Variants in PTGES3L observed in about 807,000 individuals in gnomAD.
PTGES3L encodes the protein prostaglandin E synthase 3 like.
A neutral mutation model predicts 25.0 loss-of-function variants in PTGES3L; 17 were observed. The ratio of observed to expected loss-of-function variants is 0.68; its 90% CI spans 0.47 to 1.02. The LOEUF (loss-of-function observed/expected upper bound fraction) is 1.02, where lower values mean the gene tolerates loss of function less well. PTGES3L is among the 50% of genes least tolerant of loss of function. The probability of loss-of-function intolerance (pLI) is 0.00; values close to 1 mark genes in which losing one functional copy is unlikely to be tolerated. For synonymous variants in PTGES3L, 59 were observed against 65.7 expected (o/e 0.90, Z 0.50); for missense variants, 202 against 197.5 (o/e 1.02, Z -0.14).
chr17:42,976,943 A>C (rs955733899), intron 4 of PTGES3L, among the ~76,000 whole-genome samples: 4 of 152,216 alleles, frequency 2.6e-5, no homozygotes, highest in Non-Finnish European at 5.9e-5. Context: ...TAGTGAATTC[A>C]TTAATATTTA....
chr17:42,971,831 CT>C, intron 4 of PTGES3L, 135 bp from the exon 5 acceptor site: 1 of 717,608 alleles, frequency 1.4e-6, no homozygotes, highest in Non-Finnish European at 2.3e-6. Context: ...AACTGCACTC[CT>C]TTGACCAGGA....
At chr17:42,979,327 C>T (rs2050028301) in intron 3 of PTGES3L, 51 bp downstream of exon 3, 2 of 1,614,144 alleles carry the variant, frequency 1.2e-6, no homozygotes, top group Non-Finnish European at 1.7e-6. Flanking sequence ...CTCCAGTTTC[C>T]CTGGGCAGCC....
At chr17:42,973,385 CT>C (rs2049893689) in intron 4 of PTGES3L, among the ~76,000 whole-genome samples, 1 of 141,722 alleles carries the variant, frequency 7.1e-6, no homozygotes. Flanking sequence ...GGTCAGCCCC[CT>C]GCCCGGCCAG....
At chr17:42,972,822 A>C in intron 4 of PTGES3L, among the ~76,000 whole-genome samples, 2 of 130,740 alleles carry the variant, frequency 1.5e-5, no homozygotes, top group African/African-American at 2.9e-5. Flanking sequence ...CTGGCTGCCC[A>C]GTCTGGAAAG....
Position 42,979,157 on chromosome 17 carries a change from T to G in PTGES3L, c.288+13A>C, listed in dbSNP as rs776543500. On this transcript the variant is annotated intron_variant, in intron 4 of 6. Coordinates refer to ENST00000591916, the MANE Select transcript of PTGES3L (RefSeq NM_001261430.2). The stretch of plus-strand genomic sequence containing the variant: ...CATGGAGAGAAGAAGCAGGCCACTT[T>G]CCACACACCCACCTTGATATCCTCC... The G allele has an allele frequency of 3.1e-6, 5 of 1,614,134 alleles. No homozygotes were observed. Among genetic ancestry groups the G allele is most frequent in the Non-Finnish European group, 4.2e-6 (5 of 1,180,004 alleles).
intron 4 of PTGES3L, among the ~76,000 whole-genome samples, chr17:42,973,760 C>T (rs1329435519): frequency 6.7e-6 from 1 of 149,540 alleles, no homozygotes; most frequent in Non-Finnish European, 1.5e-5. Context: ...AAGGGCGGTG[C>T]AAGATGTGCT....
chr17:42,979,813 G>A, intron 1 of PTGES3L, 150 bp from the exon 2 acceptor site: 1 of 1,413,386 alleles, frequency 7.1e-7, no homozygotes, highest in South Asian at 1.4e-5. Context: ...GGGAATGACA[G>A]GAGTGGGTGG....
chr17:42,974,363 A>G (rs1316860978), intron 4 of PTGES3L, among the ~76,000 whole-genome samples: 1 of 147,828 alleles, frequency 6.8e-6, no homozygotes, highest in Non-Finnish European at 1.5e-5. Context: ...TCTGTCTCGA[A>G]AAAAAAAAAA....
chr17:42,973,005 C>A (rs1410080312), intron 4 of PTGES3L, among the ~76,000 whole-genome samples: 2 of 149,396 alleles, frequency 1.3e-5, no homozygotes, highest in Non-Finnish European at 3.0e-5. Context: ...GCGCCTCTGC[C>A]CGGCCGCGAC....
intron 4 of PTGES3L, 27 bp from the exon 5 acceptor site, chr17:42,971,723 A>C (rs1291736460): frequency 6.2e-7 from 1 of 1,613,006 alleles, no homozygotes; most frequent in East Asian, 2.2e-5. Context: ...CAAGAGTCAC[A>C]GGCCAGGAGG....
chr17:42,976,048 T>A (rs2049948720), intron 4 of PTGES3L, among the ~76,000 whole-genome samples: 1 of 151,632 alleles, frequency 6.6e-6, no homozygotes, highest in South Asian at 2.1e-4. Flanking sequence ...AGTGGTGAGC[T>A]CTTGGCTCAC....
intron 4 of PTGES3L, among the ~76,000 whole-genome samples, chr17:42,977,194 G>A (rs998404393): frequency 1.3e-5 from 2 of 152,056 alleles, no homozygotes; most frequent in African/African-American, 4.8e-5. Flanking sequence ...GGGAGGCCGA[G>A]GCGAGCAGAT....
chr17:42,974,367 A>G (rs1357059828), intron 4 of PTGES3L, among the ~76,000 whole-genome samples: 3 of 151,924 alleles, frequency 2.0e-5, no homozygotes, highest in Non-Finnish European at 2.9e-5. Flanking sequence ...TCTCGAAAAA[A>G]AAAAAAAAAA....
intron 4 of PTGES3L, among the ~76,000 whole-genome samples, chr17:42,977,538 A>C (rs1344675407): frequency 6.8e-6 from 1 of 147,724 alleles, no homozygotes; most frequent in African/African-American, 2.5e-5. Flanking sequence ...CAGGAGGCGG[A>C]GGTTGCAGTG....
At chr17:42,978,512 C>T (rs2050004138) in intron 4 of PTGES3L, among the ~76,000 whole-genome samples, 1 of 152,158 alleles carries the variant, frequency 6.6e-6, no homozygotes, top group African/African-American at 2.4e-5. Flanking sequence ...GAGTCTTACA[C>T]ATTTCATCAC....
At chr17:42,970,684 A>ACACG (rs1341971903) in intron 5 of PTGES3L, among the ~76,000 whole-genome samples, 2 of 30,782 alleles carry the variant, frequency 6.5e-5, no homozygotes, top group Non-Finnish European at 1.6e-4. Context: ...GCGCACACAC[A>ACACG]CACACACACA....
chr17:42,979,532 G>T lies in PTGES3L; in HGVS notation c.122+18C>A. ...TAGATTCCTGGGAAGCCAGGCCCTCGGACGGCAGGGCCACTACCTGAACAC... is the reference window on the plus strand; with the variant it reads ...TAGATTCCTGGGAAGCCAGGCCCTCTGACGGCAGGGCCACTACCTGAACAC... On this transcript the variant is annotated intron_variant, in intron 2 of 6. Coordinates refer to ENST00000591916, the MANE Select transcript of PTGES3L (RefSeq NM_001261430.2). The T allele has an allele frequency of 6.2e-7, 1 of 1,614,092 alleles. No individual in the cohort carries two copies. The highest frequency in any genetic ancestry group is 8.5e-7 in the Non-Finnish European group (1 of 1,179,978).
At chr17:42,976,009 G>A (rs1363145988) in intron 4 of PTGES3L, among the ~76,000 whole-genome samples, 1 of 151,210 alleles carries the variant, frequency 6.6e-6, no homozygotes, top group Non-Finnish European at 1.5e-5. Context: ...TTGAAATGGA[G>A]TCTCACTCTA....
Position 42,968,226 on chromosome 17 carries a change from A to C in PTGES3L, c.*922T>G. ...AACATAGACATTAACTAGAGTAACA[A>C]TCAGTTTTAAAAGTATAAAGAGGGC... is the stretch of plus-strand genomic sequence containing the variant. On this transcript the variant is annotated 3_prime_UTR_variant, in exon 7 of 7. Transcript: ENST00000591916. 1 of 152,228 alleles carries C rather than the reference A, an allele frequency of 6.6e-6. No homozygotes were observed. Among genetic ancestry groups the C allele is most frequent in the South Asian group, 2.1e-4 (1 of 4,824 alleles). The allele number at this position is 152,228 out of a possible 1,614,324, so 9.4% of individuals were successfully genotyped here. A position where few individuals can be genotyped will look rare whatever the true frequency, so the allele number is the denominator to read the frequency against.
Sources: allele counts gnomAD v4.1 joint callset (sites outside exome capture counted in the v4.1 genomes callset), GRCh38; gene constraint gnomAD v4.1.1; transcripts MANE v1.5; gene names NCBI Gene and HGNC (gene_info 2026-07-23, HGNC 2026-07-21).